The following PRKG1 variants were observed in gnomAD, a reference collection of about 807,000 sequenced individuals.
The protein encoded by PRKG1 is cGMP-dependent protein kinase 1.
In PRKG1, 35 loss-of-function variants were observed where a neutral mutation model predicts 88.1. The ratio of observed to expected loss-of-function variants is 0.40; its 90% CI spans 0.30 to 0.53. PRKG1 has a LOEUF of 0.53. Ranked by LOEUF, PRKG1 falls within the 20% of genes least tolerant of loss-of-function variation. The probability of loss-of-function intolerance (pLI) is 0.59; values close to 1 mark genes in which losing one functional copy is unlikely to be tolerated. For synonymous variants in PRKG1, 303 were observed against 292.5 expected (o/e 1.04, Z -0.37); for missense variants, 540 against 839.8 (o/e 0.64, Z 4.41).
At chr10:51,133,800 T>A (rs781309631) in intron 1 of PRKG1, among the ~76,000 whole-genome samples, 1 of 152,204 alleles carries the variant, frequency 6.6e-6, no homozygotes, top group Non-Finnish European at 1.5e-5. Flanking sequence ...ACTAAAAAAA[T>A]TCTGCATAAA....
intron 9 of PRKG1, among the ~76,000 whole-genome samples, chr10:52,179,722 A>C (rs549117467): frequency 3.3e-5 from 5 of 151,984 alleles, no homozygotes; most frequent in Non-Finnish European, 5.9e-5. Context: ...AGAGTCTTGC[A>C]CTCTCACCTG....
intron 7 of PRKG1, among the ~76,000 whole-genome samples, chr10:52,080,590 G>A (rs1262535610): frequency 6.6e-6 from 1 of 152,100 alleles, no homozygotes; most frequent in African/African-American, 2.4e-5. Context: ...GCTTAATTTG[G>A]TTGATAAGTA....
At chr10:52,227,935 T>A (rs1049317446) in intron 9 of PRKG1, among the ~76,000 whole-genome samples, 3 of 152,204 alleles carry the variant, frequency 2.0e-5, no homozygotes, top group African/African-American at 7.2e-5. Flanking sequence ...TTTGTGTTTC[T>A]AATTTCAGAT....
intron 2 of PRKG1, among the ~76,000 whole-genome samples, chr10:51,414,499 G>T (rs1838185957): frequency 6.6e-6 from 1 of 152,208 alleles, no homozygotes; most frequent in African/African-American, 2.4e-5. Context: ...TGTGTAACGA[G>T]CTATGAAAAT....
At chr10:51,049,321 A>C (rs183354915) in intron 1 of PRKG1, among the ~76,000 whole-genome samples, 3 of 152,352 alleles carry the variant, frequency 2.0e-5, no homozygotes, top group Admixed American at 6.5e-5. Context: ...GCACAAATTA[A>C]TACTCTCATA....
chr10:51,397,943 C>A (rs973097206), intron 2 of PRKG1, among the ~76,000 whole-genome samples: 17 of 152,218 alleles, frequency 1.1e-4, no homozygotes, highest in African/African-American at 4.1e-4. Flanking sequence ...CATGTGGCTT[C>A]TGTGCCTTCT....
At chr10:51,399,163 T>C (rs1255794159) in intron 2 of PRKG1, among the ~76,000 whole-genome samples, 2 of 151,790 alleles carry the variant, frequency 1.3e-5, no homozygotes, top group African/African-American at 4.8e-5. Flanking sequence ...TACATAAAGA[T>C]ATAAGATGTG....
At chr10:51,884,559 A>T (rs935070486) in intron 4 of PRKG1, among the ~76,000 whole-genome samples, 1 of 151,868 alleles carries the variant, frequency 6.6e-6, no homozygotes, top group African/African-American at 2.4e-5. Flanking sequence ...AATGGCTTAA[A>T]ACATGATTTA....
chr10:52,164,774 G>T (rs1838384634), intron 9 of PRKG1, among the ~76,000 whole-genome samples: 1 of 152,092 alleles, frequency 6.6e-6, no homozygotes, highest in Admixed American at 6.5e-5. Flanking sequence ...GTGTAACTGA[G>T]AAATAAGAAT....
At position 51,634,360 on chromosome 10, in the gene PRKG1, C is replaced by T. The variant is rs540661839; in HGVS notation, c.592+166524C>T. Among the ~76,000 whole-genome samples the T allele has an allele frequency of 4.6e-5, 7 of 152,210 alleles. No individual in the cohort carries two copies. In the East Asian group the frequency reaches 1.4e-3, roughly 29 times the overall value. ...TTGGGTATAATTGGAAAGTAGGATA[C>T]ATGAGAACATATAATTAGGGCCAAA... is the stretch of plus-strand genomic sequence containing the variant. On this transcript the variant is annotated intron_variant, in intron 3 of 17. Coordinates refer to ENST00000373980, the MANE Select transcript of PRKG1 (RefSeq NM_006258.4).
intron 3 of PRKG1, among the ~76,000 whole-genome samples, chr10:51,594,820 A>C (rs1018764002): frequency 2.0e-5 from 3 of 152,228 alleles, no homozygotes; most frequent in Non-Finnish European, 4.4e-5. Flanking sequence ...CACTTGAATT[A>C]GCAAACATTG....
chr10:52,125,097 T>A (rs1327570915), intron 7 of PRKG1, among the ~76,000 whole-genome samples: 1 of 152,190 alleles, frequency 6.6e-6, no homozygotes, highest in Non-Finnish European at 1.5e-5. Context: ...AGTAAATACT[T>A]AAACTAGTAA....
intron 3 of PRKG1, among the ~76,000 whole-genome samples, chr10:51,699,961 C>A (rs1278671191): frequency 1.2e-4 from 18 of 152,254 alleles, no homozygotes; most frequent in Non-Finnish European, 2.9e-5. Flanking sequence ...TGGCGGGAAA[C>A]CGCCAACCGA....
chr10:51,601,605 A>G (rs917506056), intron 3 of PRKG1, among the ~76,000 whole-genome samples: 1 of 152,016 alleles, frequency 6.6e-6, no homozygotes, highest in African/African-American at 2.4e-5. Context: ...GAAAAAAGCC[A>G]AATCAAAGTG....
At chr10:51,977,423 A>G (rs1419856091) in intron 5 of PRKG1, among the ~76,000 whole-genome samples, 9 of 152,052 alleles carry the variant, frequency 5.9e-5, no homozygotes. Flanking sequence ...TAGTGCTGCA[A>G]TGAACATACG....
intron 2 of PRKG1, among the ~76,000 whole-genome samples, chr10:51,163,647 A>G (rs1436507277): frequency 3.9e-5 from 6 of 152,300 alleles, no homozygotes; most frequent in Middle Eastern, 3.4e-3. Context: ...CTAGTCAAAG[A>G]AAGGGGTGAC....
intron 1 of PRKG1, among the ~76,000 whole-genome samples, chr10:51,054,136 AT>A (rs575342265): frequency 7.3e-4 from 111 of 152,180 alleles, no homozygotes; most frequent in African/African-American, 2.6e-3. Flanking sequence ...AAACTTTCTC[AT>A]CTTAAACTAA....
chr10:51,728,257 C>T (rs1189365806), intron 3 of PRKG1, among the ~76,000 whole-genome samples: 1 of 151,982 alleles, frequency 6.6e-6, no homozygotes, highest in Non-Finnish European at 1.5e-5. Context: ...CTGTTTGCAA[C>T]TGTACTAAGA....
chr10:51,729,819 C>A (rs1275063545), intron 3 of PRKG1, among the ~76,000 whole-genome samples: 6 of 148,182 alleles, frequency 4.0e-5, no homozygotes, highest in African/African-American at 7.4e-5. Flanking sequence ...GTGATGTTTT[C>A]AAATGCACTT....
Sources: allele counts gnomAD v4.1 joint callset (sites outside exome capture counted in the v4.1 genomes callset), GRCh38; gene constraint gnomAD v4.1.1; transcripts MANE v1.5; gene names NCBI Gene and HGNC (gene_info 2026-07-23, HGNC 2026-07-21).